The following PRKCA variants were observed in gnomAD, a reference collection of about 807,000 sequenced individuals.
PRKCA encodes protein kinase C alpha.
PRKCA carries 27 observed loss-of-function variants against 87.0 expected under a neutral mutation model. The observed-to-expected ratio is 0.31, with a 90% CI of 0.23 to 0.43. The LOEUF is 0.43. Among genes scored for constraint, PRKCA ranks in the 20% least tolerant of loss-of-function variants. The pLI is 1.00. For synonymous variants in PRKCA, 329 were observed against 311.1 expected, an observed-to-expected ratio of 1.06 and a Z score of -0.61; for missense variants, 518 against 852.3, an observed-to-expected ratio of 0.61 and a Z score of 4.88.
chr17:66,489,016 G>A lies in PRKCA; in HGVS notation c.206-7185G>A, dbSNP rs752339798. Among the ~76,000 whole-genome samples, 22 of 151,878 alleles carry A rather than the reference G, an allele frequency of 1.4e-4. 1 individual carries two copies. The highest frequency in any genetic ancestry group is 2.1e-4 in the South Asian group (1 of 4,814). On this transcript the variant is annotated intron_variant, in intron 2 of 16. Coordinates refer to ENST00000413366, the MANE Select transcript of PRKCA (RefSeq NM_002737.3). ...TCCTTTCATTATATTCTGCTGTGAC[G>A]TTGCCTTTCATTAATCCCTTCCAGC...
At chr17:66,707,163 G>C (rs1420541997) in intron 8 of PRKCA, among the ~76,000 whole-genome samples, 1 of 152,088 alleles carries the variant, frequency 6.6e-6, no homozygotes, top group African/African-American at 2.4e-5. Flanking sequence ...TCCTTGGAAA[G>C]ACCCTCCCTT....
At chr17:66,498,350 T>C (rs1353640366) in intron 3 of PRKCA, among the ~76,000 whole-genome samples, 2 of 152,184 alleles carry the variant, frequency 1.3e-5, no homozygotes, top group Non-Finnish European at 2.9e-5. Context: ...CCCATCTTTA[T>C]CTTGCTGTAT....
intron 3 of PRKCA, among the ~76,000 whole-genome samples, chr17:66,587,913 A>G (rs867132948): frequency 0.051 from 6,710 of 131,518 alleles, 1,045 homozygotes; most frequent in African/African-American, 0.17. Flanking sequence ...ATATATATAT[A>G]TATATATATA....
At chr17:66,488,716 G>A (rs1321507704) in intron 2 of PRKCA, among the ~76,000 whole-genome samples, 5 of 152,190 alleles carry the variant, frequency 3.3e-5, no homozygotes, top group Admixed American at 3.3e-4. Context: ...GGGAATACTG[G>A]ATTTTTGAAA....
intron 3 of PRKCA, among the ~76,000 whole-genome samples, chr17:66,509,894 A>C (rs531070382): frequency 2.0e-5 from 3 of 152,150 alleles, no homozygotes; most frequent in Non-Finnish European, 2.9e-5. Flanking sequence ...ATGTTTGTTG[A>C]AAGAGCGAAT....
intron 3 of PRKCA, among the ~76,000 whole-genome samples, chr17:66,552,981 TA>T (rs200486385): frequency 0.15 from 22,824 of 150,740 alleles, 1,736 homozygotes; most frequent in Middle Eastern, 0.22. Flanking sequence ...AAAATCTGAA[TA>T]TTTTCTTTTT....
At chr17:66,405,720 A>G (rs991330362) in intron 2 of PRKCA, among the ~76,000 whole-genome samples, 6 of 152,234 alleles carry the variant, frequency 3.9e-5, no homozygotes, top group African/African-American at 1.2e-4. Flanking sequence ...CTTTACACGT[A>G]AAATTAATCC....
At chr17:66,493,123 C>T in intron 2 of PRKCA, among the ~76,000 whole-genome samples, 1 of 152,182 alleles carries the variant, frequency 6.6e-6, no homozygotes, top group Admixed American at 6.5e-5. Context: ...TTTACAGTGA[C>T]ATGGTATCAT....
intron 2 of PRKCA, among the ~76,000 whole-genome samples, chr17:66,434,291 C>T (rs907439351): frequency 2.0e-5 from 3 of 151,716 alleles, no homozygotes; most frequent in Non-Finnish European, 2.9e-5. Context: ...GAAGACAGCC[C>T]GTCTTCATTA....
At chr17:66,780,642 A>C (rs1443664904) in intron 14 of PRKCA, among the ~76,000 whole-genome samples, 8 of 152,068 alleles carry the variant, frequency 5.3e-5, no homozygotes, top group African/African-American at 1.7e-4. Context: ...GCACCACTGC[A>C]CTCTAGCCTG....
Position 66,803,754 on chromosome 17 carries a change from C to G in PRKCA, c.1855-119C>G. ...GGCCTGCAAGTCCTCCGAGATTCCT[C>G]CTCCTAACCAGCCCGGAGTTCCCCA... On this transcript the variant is annotated intron_variant, in intron 16 of 16. Coordinates refer to ENST00000413366, the MANE Select transcript of PRKCA (RefSeq NM_002737.3). The surrounding 1 kb of genome is among the most constrained non-coding windows in gnomAD (Gnocchi z 4.4). 7.2e-7 allele frequency: 1 copy of G among 1,391,116 alleles called. No individual in the cohort carries two copies. The highest frequency in any genetic ancestry group is 9.7e-7 in the Non-Finnish European group (1 of 1,035,796). The allele number at this position is 1,391,116 out of a possible 1,614,324, so 86.2% of individuals were successfully genotyped here.
chr17:66,724,400 C>A (rs1401377234), intron 8 of PRKCA, among the ~76,000 whole-genome samples: 1 of 152,146 alleles, frequency 6.6e-6, no homozygotes, highest in African/African-American at 2.4e-5. Flanking sequence ...CACTGAGAGC[C>A]ATGGGGGTCT....
At chr17:66,705,934 A>G (rs1973181167) in intron 8 of PRKCA, among the ~76,000 whole-genome samples, 2 of 152,214 alleles carry the variant, frequency 1.3e-5, no homozygotes, top group Non-Finnish European at 2.9e-5. Flanking sequence ...TGCCCTACAG[A>G]GAATTAAGAT....
chr17:66,398,008 A>G (rs900575742), intron 2 of PRKCA: 4 of 152,216 alleles, frequency 2.6e-5, no homozygotes, highest in Non-Finnish European at 5.9e-5. Flanking sequence ...CTGTACCAGG[A>G]CATGGACCTC....
intron 2 of PRKCA, among the ~76,000 whole-genome samples, chr17:66,465,486 G>A (rs976876842): frequency 1.3e-5 from 2 of 151,978 alleles, no homozygotes; most frequent in Admixed American, 1.3e-4. Flanking sequence ...CAAACTCCTG[G>A]GCTCAAGAGA....
chr17:66,385,229 C>T lies in PRKCA; in HGVS notation c.205+79102C>T, dbSNP rs752733734. 9.5e-4 allele frequency among the ~76,000 whole-genome samples: 145 copies of T among 152,298 alleles called. 1 individual carries two copies. The highest frequency in any genetic ancestry group is 3.4e-3 in the Middle Eastern group (1 of 294). ...CACTGGAGCATTTGTTGCTTTCTCTCCTCTCAGCCCATCAACCTAGAGTTG... is the reference window on the plus strand; with the variant it reads ...CACTGGAGCATTTGTTGCTTTCTCTTCTCTCAGCCCATCAACCTAGAGTTG... On this transcript the variant is annotated intron_variant, in intron 2 of 16. Transcript: ENST00000413366.
At chr17:66,491,111 G>T (rs930602741) in intron 2 of PRKCA, among the ~76,000 whole-genome samples, 3 of 152,170 alleles carry the variant, frequency 2.0e-5, no homozygotes, top group Non-Finnish European at 4.4e-5. Flanking sequence ...GTCCCACCAT[G>T]TCATTTGCTC....
chr17:66,427,095 A>G (rs1386907109), intron 2 of PRKCA, among the ~76,000 whole-genome samples: 2 of 152,094 alleles, frequency 1.3e-5, no homozygotes, highest in Non-Finnish European at 2.9e-5. Flanking sequence ...ATAGTGGTGC[A>G]GTCTTGGCTC....
At chr17:66,694,038 T>C (rs1463444035) in intron 8 of PRKCA, among the ~76,000 whole-genome samples, 3 of 152,168 alleles carry the variant, frequency 2.0e-5, no homozygotes, top group Non-Finnish European at 4.4e-5. Flanking sequence ...CTATTAGTTA[T>C]AAATAGAACT....
Sources: gnomAD v4.1 joint callset for allele counts (sites outside exome capture counted in the v4.1 genomes callset) on GRCh38, gnomAD v4.1.1 for gene constraint, Gnocchi (gnomAD v3.1) non-coding constraint, MANE v1.5 for transcripts, NCBI Gene and HGNC (gene_info 2026-07-23, HGNC 2026-07-21) for gene names.